SHTN1: variants seen among roughly 807,000 people sequenced by gnomAD.
SHTN1 encodes shootin 1, also known as shootin-1.
SHTN1 carries 42 observed loss-of-function variants against 83.1 expected under a neutral mutation model. The ratio of observed to expected loss-of-function variants is 0.51; its 90% CI spans 0.39 to 0.65. SHTN1 has a LOEUF of 0.65. Ranked by LOEUF, SHTN1 falls within the 30% of genes least tolerant of loss-of-function variation. The pLI is 0.00. For missense variants in SHTN1, 622 were observed against 737.8 expected (o/e 0.84, Z 1.82); for synonymous variants, 224 against 247.7 (o/e 0.90, Z 0.90).
intron 15 of SHTN1, among the ~76,000 whole-genome samples, chr10:116,904,772 G>C (rs1847893358): frequency 6.6e-6 from 1 of 152,158 alleles, no homozygotes. Context: ...AACTAACTCT[G>C]AAATGTGAGT....
chr10:116,913,589 TTTTC>T (rs1392354249), intron 13 of SHTN1, among the ~76,000 whole-genome samples: 1 of 152,244 alleles, frequency 6.6e-6, no homozygotes, highest in Non-Finnish European at 1.5e-5. Context: ...TTTTCAACTT[TTTTC>T]TTTCTAAAAC....
At chr10:116,998,443 A>G (rs1851708830) in intron 1 of SHTN1, among the ~76,000 whole-genome samples, 1 of 152,228 alleles carries the variant, frequency 6.6e-6, no homozygotes, top group Non-Finnish European at 1.5e-5. Flanking sequence ...GAGAGACCAC[A>G]TTCACATAAC....
In SHTN1 at chr10:116,921,485, G is replaced by A; in HGVS notation, c.1144C>T (p.His382Tyr). 6.2e-7 allele frequency: 1 copy of A among 1,613,694 alleles called. No homozygotes were observed. Among genetic ancestry groups the A allele is most frequent in the Non-Finnish European group, 8.5e-7 (1 of 1,179,802 alleles). Residue 382 changes from histidine to tyrosine, a missense_variant, in exon 12 of 17, where the codon CAC (histidine) becomes TAC (tyrosine). His to Tyr is a moderately conservative substitution (Grantham distance 83). Around this residue, in one of 3 missense-constraint regions of SHTN1, gnomAD observed 383 missense variants for 455.8 expected, o/e 0.84. Transcript: ENST00000355371. ...SLMSMIRKRSHPSGSGAKKEK... is the reference protein window; with the variant it reads ...SLMSMIRKRSYPSGSGAKKEK... ...TTCTTAGCACCACTGCCACTGGGGT[G>A]GGATCGTTTCCGGATCATGGACATG...
intron 1 of SHTN1, among the ~76,000 whole-genome samples, chr10:117,058,415 C>T (rs1852855772): frequency 1.3e-5 from 2 of 152,040 alleles, no homozygotes; most frequent in South Asian, 2.1e-4. Context: ...CCAATAAACA[C>T]ATGAAAAGAT....
intron 1 of SHTN1, among the ~76,000 whole-genome samples, chr10:116,984,093 G>A (rs1206605492): frequency 2.6e-5 from 4 of 152,064 alleles, no homozygotes; most frequent in African/African-American, 4.8e-5. Context: ...CTTTGTCTGG[G>A]ATTTTGTCAG....
chr10:117,054,355 C>T (rs1223478254), intron 1 of SHTN1, among the ~76,000 whole-genome samples: 1 of 151,872 alleles, frequency 6.6e-6, no homozygotes. Context: ...TCTTGCTAAA[C>T]AGGTCTGTTT....
intron 9 of SHTN1, among the ~76,000 whole-genome samples, chr10:116,937,157 T>C (rs1401220234): frequency 1.3e-5 from 2 of 152,234 alleles, no homozygotes; most frequent in African/African-American, 4.8e-5. Context: ...ATTTATCCCA[T>C]TTACATTTAA....
chr10:116,913,412 C>CA (rs1165275012), intron 13 of SHTN1, among the ~76,000 whole-genome samples: 1 of 152,174 alleles, frequency 6.6e-6, no homozygotes, highest in Non-Finnish European at 1.5e-5. Context: ...GATTTACCAG[C>CA]AAAAAACCCA....
intron 7 of SHTN1, among the ~76,000 whole-genome samples, chr10:116,948,312 G>C (rs776025038): frequency 2.6e-5 from 4 of 152,098 alleles, no homozygotes; most frequent in Non-Finnish European, 4.4e-5. Context: ...CAGGAGAGCA[G>C]GTCTGCTTTT....
chr10:116,962,369 C>G (rs1406660254), intron 3 of SHTN1, among the ~76,000 whole-genome samples: 1 of 152,058 alleles, frequency 6.6e-6, no homozygotes, highest in African/African-American at 2.4e-5. Context: ...ACTATGTTTA[C>G]AAGGTAGGTT....
intron 1 of SHTN1, among the ~76,000 whole-genome samples, chr10:116,996,016 C>G (rs1851615514): frequency 6.6e-6 from 1 of 152,154 alleles, no homozygotes. Context: ...AGAGTTCCAG[C>G]AAAGCAGATT....
intron 1 of SHTN1, among the ~76,000 whole-genome samples, chr10:116,990,266 T>C (rs1851373136): frequency 6.9e-6 from 1 of 145,290 alleles, no homozygotes; most frequent in South Asian, 2.2e-4. Context: ...TTCTTGTCTT[T>C]TTTCTTTTTC....
intron 9 of SHTN1, among the ~76,000 whole-genome samples, chr10:116,939,547 C>T (rs959054173): frequency 2.6e-5 from 4 of 152,220 alleles, no homozygotes; most frequent in Non-Finnish European, 5.9e-5. Context: ...ATGCAGAAAT[C>T]ACCCGCCTTC....
At chr10:117,101,408 G>T (rs1331668141) in intron 1 of SHTN1, among the ~76,000 whole-genome samples, 1 of 152,146 alleles carries the variant, frequency 6.6e-6, no homozygotes, top group African/African-American at 2.4e-5. Flanking sequence ...AAAAAATATG[G>T]TTCAGCATCC....
At chr10:117,061,384 G>A (rs2133595636) in intron 1 of SHTN1, among the ~76,000 whole-genome samples, 1 of 152,094 alleles carries the variant, frequency 6.6e-6, no homozygotes, top group East Asian at 1.9e-4. Context: ...TTTAAGTAGA[G>A]ACAGGGTTTC....
chr10:116,914,342 T>G (rs1848304390), intron 13 of SHTN1, among the ~76,000 whole-genome samples: 2 of 151,986 alleles, frequency 1.3e-5, no homozygotes, highest in South Asian at 4.1e-4. Flanking sequence ...CATGGTGGCA[T>G]GCGCCTGTAG....
At chr10:116,963,141 G>A (rs1366543151) in intron 3 of SHTN1, among the ~76,000 whole-genome samples, 1 of 118,430 alleles carries the variant, frequency 8.4e-6, no homozygotes, top group African/African-American at 3.2e-5. Flanking sequence ...GCGCAATCTC[G>A]GCTCACTGCA....
intron 2 of SHTN1, among the ~76,000 whole-genome samples, chr10:117,017,756 T>C (rs1170397257): frequency 6.6e-6 from 1 of 152,050 alleles, no homozygotes. Flanking sequence ...GAAGGAAAAA[T>C]AGCAACCTTA....
intron 4 of SHTN1, among the ~76,000 whole-genome samples, chr10:116,958,221 G>C (rs1279656023): frequency 2.0e-5 from 3 of 151,988 alleles, no homozygotes; most frequent in Non-Finnish European, 4.4e-5. Flanking sequence ...TTTCAAAAAT[G>C]ACAATTGATA....
Sources: gnomAD v4.1 joint callset for allele counts (sites outside exome capture counted in the v4.1 genomes callset) on GRCh38, gnomAD v4.1.1 for gene constraint, gnomAD v4.1.1 regional missense constraint, MANE v1.5 for transcripts, NCBI Gene and HGNC (gene_info 2026-07-23, HGNC 2026-07-21) for gene names.